The following AKAP7 variants were observed in gnomAD, a reference collection of about 807,000 sequenced individuals.
AKAP7 encodes the protein A-kinase anchoring protein 7.
AKAP7 carries 39 observed loss-of-function variants against 39.5 expected under a neutral mutation model. That is an observed-to-expected ratio of 0.99 (90% CI 0.76 to 1.29). AKAP7 has a LOEUF of 1.29. AKAP7 is among the 50% of genes most tolerant of loss of function. AKAP7 has a pLI of 0.00. For missense variants in AKAP7, 414 were observed against 407.7 expected, an observed-to-expected ratio of 1.02 and a Z score of -0.13; for synonymous variants, 140 against 139.1, an observed-to-expected ratio of 1.01 and a Z score of -0.05.
chr6:131,170,362 A>G (rs1388647203), intron 5 of AKAP7, among the ~76,000 whole-genome samples: 1 of 149,316 alleles, frequency 6.7e-6, no homozygotes, highest in Admixed American at 6.6e-5. Flanking sequence ...GAATCTGGAA[A>G]AAAAGAAAAA....
intron 5 of AKAP7, among the ~76,000 whole-genome samples, chr6:131,180,313 C>T (rs1805042571): frequency 6.6e-6 from 1 of 152,168 alleles, no homozygotes; most frequent in Admixed American, 6.5e-5. Flanking sequence ...GTTACTTCTT[C>T]CCTCTCTGTG....
chr6:131,254,111 T>C (rs1482237288), intron 7 of AKAP7, among the ~76,000 whole-genome samples: 6 of 152,034 alleles, frequency 3.9e-5, no homozygotes, highest in African/African-American at 1.5e-4. Context: ...ATCTTGGAAA[T>C]TAAACATTTT....
chr6:131,275,913 C>T (rs1210949200), intron 7 of AKAP7, among the ~76,000 whole-genome samples: 1 of 152,226 alleles, frequency 6.6e-6, no homozygotes. Flanking sequence ...GGAATCACCA[C>T]CCCTGCCCAC....
chr6:131,200,184 T>A (rs996576811), intron 6 of AKAP7: 9 of 152,270 alleles, frequency 5.9e-5, no homozygotes, highest in African/African-American at 2.2e-4. Context: ...TCTTTTGACT[T>A]CCCCTGTCTC....
In AKAP7 at chr6:131,169,099, T is replaced by C. The variant is rs1371106254; in HGVS notation, c.429-14T>C. 2 of 1,587,944 alleles carry C rather than the reference T, an allele frequency of 1.3e-6. No individual in the cohort carries two copies. The highest frequency in any genetic ancestry group is 2.7e-5 in the African/African-American group (2 of 74,118). On this transcript the variant is annotated splice_polypyrimidine_tract_variant and intron_variant, in intron 4 of 7. Coordinates refer to ENST00000431975, the MANE Select transcript of AKAP7 (RefSeq NM_016377.4). Reference sequence around the variant, plus strand: ...ACTTAATGTGTTACTGAAAAATGTATTATTTCTTACTAGTGGTATTGATGC... The same window carrying C: ...ACTTAATGTGTTACTGAAAAATGTACTATTTCTTACTAGTGGTATTGATGC...
Position 131,219,775 on chromosome 6 carries a change from G to T in AKAP7, c.817G>T (p.Gly273Cys). ...CATGCTGAAGAAAAAACAAAGTAAT[G>T]GTTATTATCACTGTGAATCTTCCAT... ...CSMLKKKQSN[G>C]YYHCESSIVI... The change falls in exon 7 of 8, where the codon GGT becomes TGT. Residue 273 changes from glycine (G) to cysteine (C), a missense_variant. By Grantham distance (159) the Gly-to-Cys change is radical (BLOSUM62 -3). Transcript: ENST00000431975. 1 of 1,586,186 alleles carries T rather than the reference G, an allele frequency of 6.3e-7. No individual in the cohort carries two copies. The highest frequency in any genetic ancestry group is 8.6e-7 in the Non-Finnish European group (1 of 1,167,858).
chr6:131,258,928 G>T (rs1188860519), intron 7 of AKAP7, among the ~76,000 whole-genome samples: 4 of 152,126 alleles, frequency 2.6e-5, no homozygotes, highest in Admixed American at 2.6e-4. Context: ...ATTGACAGAG[G>T]ATCTCATATT....
intron 5 of AKAP7, among the ~76,000 whole-genome samples, chr6:131,197,278 A>G (rs1330782570): frequency 6.6e-6 from 1 of 152,186 alleles, no homozygotes; most frequent in African/African-American, 2.4e-5. Flanking sequence ...TTTAATAAAT[A>G]TCTTTTCATA....
the AKAP7 span, among the ~76,000 whole-genome samples, chr6:131,128,971 A>T: frequency 6.6e-6 from 1 of 152,134 alleles, no homozygotes; most frequent in African/African-American, 2.4e-5. Context: ...ATACATTATG[A>T]TATATTTATA....
intron 7 of AKAP7, among the ~76,000 whole-genome samples, chr6:131,265,412 G>A (rs575599933): frequency 6.6e-6 from 1 of 152,312 alleles, no homozygotes; most frequent in South Asian, 2.1e-4. Context: ...TGGGATTGCA[G>A]GCAGCTTTAT....
chr6:131,267,807 T>C (rs1440029326), intron 7 of AKAP7, among the ~76,000 whole-genome samples: 2 of 152,224 alleles, frequency 1.3e-5, no homozygotes, highest in Non-Finnish European at 2.9e-5. Flanking sequence ...GTCTACTTTG[T>C]GTACCCTTGT....
intron 5 of AKAP7, among the ~76,000 whole-genome samples, chr6:131,172,146 CT>C (rs1179336937): frequency 6.6e-6 from 1 of 152,094 alleles, no homozygotes; most frequent in Non-Finnish European, 1.5e-5. Flanking sequence ...ATAGGAGAAA[CT>C]TATAGCTTCA....
chr6:131,230,633 G>A (rs1810551532), intron 7 of AKAP7, among the ~76,000 whole-genome samples: 1 of 152,004 alleles, frequency 6.6e-6, no homozygotes, highest in Admixed American at 6.6e-5. Flanking sequence ...ATTGCATTTG[G>A]GGACTTAGCC....
intron 7 of AKAP7, among the ~76,000 whole-genome samples, chr6:131,226,107 G>T (rs974329134): frequency 6.6e-6 from 1 of 152,210 alleles, no homozygotes; most frequent in Non-Finnish European, 1.5e-5. Context: ...AATAGGCATT[G>T]TGACCTTGAG....
intron 7 of AKAP7, among the ~76,000 whole-genome samples, chr6:131,260,332 G>T (rs1175596192): frequency 6.6e-6 from 1 of 152,124 alleles, no homozygotes; most frequent in Admixed American, 6.5e-5. Flanking sequence ...TAATGGGATT[G>T]CTGGGTCAAA....
intron 1 of AKAP7, chr6:131,137,666 GCCACCTCAC>G (rs1406601675): frequency 6.6e-6 from 1 of 152,198 alleles, no homozygotes; most frequent in Admixed American, 6.5e-5. Flanking sequence ...ACAGGTGTGA[GCCACCTCAC>G]CCGGCCCACC....
At chr6:131,220,251 AAAC>A (rs1809580926) in intron 7 of AKAP7, among the ~76,000 whole-genome samples, 2 of 152,186 alleles carry the variant, frequency 1.3e-5, no homozygotes, top group Admixed American at 6.5e-5. Flanking sequence ...CAAAAATTGA[AAAC>A]TTCACTTTCT....
intron 2 of AKAP7, among the ~76,000 whole-genome samples, chr6:131,148,321 G>T (rs497082): frequency 0.66 from 99,711 of 152,060 alleles, 33,976 homozygotes; most frequent in African/African-American, 0.82. Flanking sequence ...TGTATTATAT[G>T]ACTTTTGTGG....
rs753036812 is a variant in AKAP7 at position 131,165,123 on chromosome 6, C to A, written c.334C>A (p.Gln112Lys). Residue 112 changes from glutamine to lysine, a missense_variant, in exon 4 of 8, where the codon CAA becomes AAA. By Grantham distance (53) the Gln-to-Lys change is moderately conservative. Transcript: ENST00000431975. ...GATCCTGCAGAATGCAATAATACAA[C>A]AAGATGAGCGACTGGCCAAAGCAAT... ...IKILQNAIIQ[Q>K]DERLAKAMVS... 1.2e-6 allele frequency: 2 copies of A among 1,611,396 alleles called. No homozygotes were observed. The highest frequency in any genetic ancestry group is 1.7e-5 in the Admixed American group (1 of 59,846).
Sources: gnomAD v4.1 joint callset for allele counts (sites outside exome capture counted in the v4.1 genomes callset) on GRCh38, gnomAD v4.1.1 for gene constraint, MANE v1.5 for transcripts, NCBI Gene and HGNC (gene_info 2026-07-23, HGNC 2026-07-21) for gene names.